KCNB2: variants seen among roughly 807,000 people sequenced by gnomAD.
KCNB2 encodes potassium voltage-gated channel subfamily B member 2.
Under a neutral mutation model 61.5 loss-of-function variants are expected in KCNB2, and 15 were observed. The ratio of observed to expected loss-of-function variants is 0.24; its 90% CI spans 0.16 to 0.38. KCNB2 has a LOEUF of 0.38. Among genes scored for constraint, KCNB2 ranks in the 10% least tolerant of loss-of-function variants. The pLI, the probability that KCNB2 is intolerant of heterozygous loss-of-function variation, is 1.00. For synonymous variants in KCNB2, 457 were observed against 446.0 expected (o/e 1.02, Z -0.31); for missense variants, 828 against 1,125.2 (o/e 0.74, Z 3.78).
At chr8:72,803,815 T>C (rs1324652647) in intron 2 of KCNB2, among the ~76,000 whole-genome samples, 2 of 152,164 alleles carry the variant, frequency 1.3e-5, no homozygotes, top group African/African-American at 4.8e-5. Context: ...GTGCTTCTTC[T>C]GGGCTGCTGG....
intron 2 of KCNB2, among the ~76,000 whole-genome samples, chr8:72,695,899 C>T (rs1446825759): frequency 1.3e-5 from 2 of 152,180 alleles, no homozygotes; most frequent in African/African-American, 4.8e-5. Context: ...TTTTCCAAGA[C>T]CTCTTGCAAA....
At chr8:72,729,981 G>A (rs1464356738) in intron 2 of KCNB2, among the ~76,000 whole-genome samples, 1 of 152,050 alleles carries the variant, frequency 6.6e-6, no homozygotes, top group East Asian at 1.9e-4. Flanking sequence ...TTTTAATTTG[G>A]TCATTTCAGT....
At chr8:72,542,324 C>T (rs1053581771) in intron 1 of KCNB2, among the ~76,000 whole-genome samples, 2 of 152,046 alleles carry the variant, frequency 1.3e-5, no homozygotes, top group African/African-American at 4.8e-5. Flanking sequence ...GGTTCAATCA[C>T]ATTGTATAGC....
intron 2 of KCNB2, among the ~76,000 whole-genome samples, chr8:72,890,910 T>C (rs915294183): frequency 3.9e-5 from 6 of 152,220 alleles, no homozygotes; most frequent in African/African-American, 9.6e-5. Context: ...TGGTGGCTTA[T>C]TACATAAATT....
At chr8:72,913,038 T>C (rs528479379) in intron 2 of KCNB2, among the ~76,000 whole-genome samples, 1 of 152,318 alleles carries the variant, frequency 6.6e-6, no homozygotes, top group East Asian at 1.9e-4. Flanking sequence ...GGGGTTTATC[T>C]TGAAAATGCA....
chr8:72,794,612 C>G (rs1808999308), intron 2 of KCNB2, among the ~76,000 whole-genome samples: 1 of 148,882 alleles, frequency 6.7e-6, no homozygotes, highest in Non-Finnish European at 1.5e-5. Flanking sequence ...TATTCTTTAC[C>G]AGGATAGAGA....
At chr8:72,610,047 TTAA>T (rs1805513464) in intron 2 of KCNB2, among the ~76,000 whole-genome samples, 2 of 152,282 alleles carry the variant, frequency 1.3e-5, no homozygotes, top group East Asian at 1.9e-4. Context: ...GTGTAATCAC[TTAA>T]TAATATTTCA....
chr8:72,806,876 A>C (rs12541430), intron 2 of KCNB2, among the ~76,000 whole-genome samples: 68 of 152,190 alleles, frequency 4.5e-4, no homozygotes, highest in Admixed American at 4.5e-3. Flanking sequence ...GAAGGAAATA[A>C]GTGAGTGATG....
chr8:72,688,402 T>A (rs1222706147), intron 2 of KCNB2, among the ~76,000 whole-genome samples: 2 of 152,068 alleles, frequency 1.3e-5, no homozygotes, highest in South Asian at 2.1e-4. Flanking sequence ...GAATGCCTAT[T>A]CTTCTTGGGC....
At chr8:72,860,711 G>A (rs561992243) in intron 2 of KCNB2, among the ~76,000 whole-genome samples, 1 of 152,244 alleles carries the variant, frequency 6.6e-6, no homozygotes, top group African/African-American at 2.4e-5. Context: ...CCTAGCATAA[G>A]GAAATCAAGA....
chr8:72,584,070 C>T (rs975094856), intron 2 of KCNB2, among the ~76,000 whole-genome samples: 4 of 150,404 alleles, frequency 2.7e-5, no homozygotes, highest in African/African-American at 7.3e-5. Flanking sequence ...TCATAATTAT[C>T]GTTGTTTAGT....
intron 2 of KCNB2, among the ~76,000 whole-genome samples, chr8:72,787,743 C>G (rs369745897): frequency 2.7e-4 from 41 of 152,238 alleles, no homozygotes; most frequent in Non-Finnish European, 4.4e-4. Flanking sequence ...CCCTAACCCC[C>G]ACCCCAGTAA....
chr8:72,663,541 C>A (rs527348614), intron 2 of KCNB2, among the ~76,000 whole-genome samples: 48 of 152,282 alleles, frequency 3.2e-4, no homozygotes, highest in African/African-American at 1.2e-3. Context: ...CACTCCCACC[C>A]TACTTAAAGC....
intron 2 of KCNB2, among the ~76,000 whole-genome samples, chr8:72,727,538 T>TG (rs1807673618): frequency 6.6e-6 from 1 of 152,332 alleles, no homozygotes; most frequent in South Asian, 2.1e-4. Flanking sequence ...ATTTGCTAGG[T>TG]GACCCTCAGC....
intron 2 of KCNB2, among the ~76,000 whole-genome samples, chr8:72,811,335 T>G (rs1316133242): frequency 6.6e-6 from 1 of 151,936 alleles, no homozygotes; most frequent in African/African-American, 2.4e-5. Flanking sequence ...CATAATAAAT[T>G]TTGAGAGGGA....
chr8:72,837,235 C>T (rs1162523924), intron 2 of KCNB2, among the ~76,000 whole-genome samples: 1 of 152,198 alleles, frequency 6.6e-6, no homozygotes, highest in East Asian at 1.9e-4. Flanking sequence ...AGTTCCTTCT[C>T]AGAGCAGCCA....
chr8:72,562,867 A>G (rs764095120), intron 1 of KCNB2, among the ~76,000 whole-genome samples: 2 of 152,242 alleles, frequency 1.3e-5, no homozygotes, highest in Non-Finnish European at 2.9e-5. Context: ...CGGAAATTAA[A>G]AACATAAATT....
intron 2 of KCNB2, among the ~76,000 whole-genome samples, chr8:72,602,000 G>A (rs900665028): frequency 6.6e-6 from 1 of 152,142 alleles, no homozygotes; most frequent in African/African-American, 2.4e-5. Flanking sequence ...GTAGTTGAAG[G>A]CTTATGCTTC....
intron 2 of KCNB2, among the ~76,000 whole-genome samples, chr8:72,733,933 T>C (rs537116409): frequency 3.2e-4 from 49 of 152,166 alleles, no homozygotes; most frequent in Admixed American, 8.5e-4. Context: ...CCAGCCACAG[T>C]GGGTGTGTGA....
Sources: gnomAD v4.1 joint callset for allele counts (sites outside exome capture counted in the v4.1 genomes callset) on GRCh38, gnomAD v4.1.1 for gene constraint, MANE v1.5 for transcripts, NCBI Gene and HGNC (gene_info 2026-07-23, HGNC 2026-07-21) for gene names.